Variants in RBFOX1 observed in about 807,000 individuals in gnomAD.
The protein encoded by RBFOX1 is RNA binding protein fox-1 homolog 1.
RBFOX1 carries 8 observed loss-of-function variants against 57.7 expected under a neutral mutation model. That is an observed-to-expected ratio of 0.14 (90% CI 0.08 to 0.25). The LOEUF is 0.25. Ranked by LOEUF, RBFOX1 falls within the 10% of genes least tolerant of loss-of-function variation. RBFOX1 has a pLI of 1.00. For synonymous variants in RBFOX1, 326 were observed against 222.4 expected, an observed-to-expected ratio of 1.47 and a Z score of -4.15; for missense variants, 611 against 548.5, an observed-to-expected ratio of 1.11 and a Z score of -1.14.
chr16:7,358,831 C>G (rs1488693079), intron 4 of RBFOX1, among the ~76,000 whole-genome samples: 1 of 152,126 alleles, frequency 6.6e-6, no homozygotes, highest in Non-Finnish European at 1.5e-5. Context: ...TATGTGCTCA[C>G]GATGACTTAT....
intron 3 of RBFOX1, among the ~76,000 whole-genome samples, chr16:5,654,825 A>C (rs59078146): frequency 0.08 from 11,623 of 145,684 alleles, 1,471 homozygotes; most frequent in African/African-American, 0.27. Flanking sequence ...CTCTCTCCCC[A>C]CTCTCTCCTT....
intron 2 of RBFOX1, among the ~76,000 whole-genome samples, chr16:6,396,276 C>G (rs2092831557): frequency 6.6e-6 from 1 of 152,034 alleles, no homozygotes; most frequent in African/African-American, 2.4e-5. Context: ...GGTACTGTAA[C>G]TTGATAAAAT....
chr16:5,853,046 T>C (rs1218815252), intron 3 of RBFOX1, among the ~76,000 whole-genome samples: 1 of 152,124 alleles, frequency 6.6e-6, no homozygotes, highest in Non-Finnish European at 1.5e-5. Flanking sequence ...AATAGAATTA[T>C]ATGTTTACAG....
intron 3 of RBFOX1, 141 bp from the exon 4 acceptor site, chr16:7,051,916 C>A: frequency 1.5e-6 from 2 of 1,309,398 alleles, no homozygotes; most frequent in South Asian, 1.4e-5. Context: ...GCTATGTAGA[C>A]CTAAAGAAAA....
intron 4 of RBFOX1, among the ~76,000 whole-genome samples, chr16:7,250,295 T>G (rs2094458133): frequency 6.6e-6 from 1 of 152,200 alleles, no homozygotes; most frequent in Non-Finnish European, 1.5e-5. Context: ...CAAATGCTTT[T>G]TTTGCTGTTC....
chr16:5,248,804 C>T (rs2062369524), intron 1 of RBFOX1, among the ~76,000 whole-genome samples: 1 of 152,056 alleles, frequency 6.6e-6, no homozygotes, highest in Admixed American at 6.5e-5. Flanking sequence ...GCCTGGCCAA[C>T]ATGTTGAAAG....
At chr16:6,785,606 C>G (rs755860286) in intron 3 of RBFOX1, among the ~76,000 whole-genome samples, 27 of 152,252 alleles carry the variant, frequency 1.8e-4, no homozygotes, top group Non-Finnish European at 3.7e-4. Context: ...GCTATTTTTC[C>G]TTTGTTTTCA....
intron 4 of RBFOX1, among the ~76,000 whole-genome samples, chr16:7,187,160 C>T (rs1602275895): frequency 1.3e-5 from 2 of 151,780 alleles, no homozygotes; most frequent in Admixed American, 1.3e-4. Flanking sequence ...TGGAGTGATA[C>T]TCTGTCTCAA....
intron 2 of RBFOX1, among the ~76,000 whole-genome samples, chr16:6,623,051 G>A (rs1009484246): frequency 6.6e-6 from 1 of 152,182 alleles, no homozygotes; most frequent in Non-Finnish European, 1.5e-5. Flanking sequence ...ACCTTTGTCA[G>A]TCCGCCATCG....
At chr16:6,290,116 T>C (rs936908931) in intron 1 of RBFOX1, among the ~76,000 whole-genome samples, 1 of 151,590 alleles carries the variant, frequency 6.6e-6, no homozygotes, top group South Asian at 2.1e-4. Flanking sequence ...GTATGTAGCT[T>C]GGATCGTTGT....
chr16:5,617,869 A>AGCTT (rs1210386939), intron 3 of RBFOX1, among the ~76,000 whole-genome samples: 1 of 152,122 alleles, frequency 6.6e-6, no homozygotes, highest in Non-Finnish European at 1.5e-5. Flanking sequence ...GCATTTCCGA[A>AGCTT]GCTTATCTGT....
chr16:5,955,087 C>A (rs1265563723), intron 4 of RBFOX1, among the ~76,000 whole-genome samples: 1 of 122,182 alleles, frequency 8.2e-6, no homozygotes, highest in African/African-American at 3.2e-5. Context: ...TCAAGACCAG[C>A]CTGGGCAACA....
chr16:7,492,585 C>G (rs146723276), intron 4 of RBFOX1, among the ~76,000 whole-genome samples: 2 of 152,246 alleles, frequency 1.3e-5, no homozygotes, highest in East Asian at 3.9e-4. Flanking sequence ...TAGATATTGT[C>G]CCATCTAAAT....
At chr16:5,978,153 A>C (rs1038239663) in intron 4 of RBFOX1, among the ~76,000 whole-genome samples, 4 of 143,774 alleles carry the variant, frequency 2.8e-5, no homozygotes, top group Non-Finnish European at 6.1e-5. Flanking sequence ...AAAAAAAAAA[A>C]AAAAAAAAGC....
At chr16:6,791,613 G>A (rs1567261852) in intron 3 of RBFOX1, among the ~76,000 whole-genome samples, 1 of 152,154 alleles carries the variant, frequency 6.6e-6, no homozygotes, top group Non-Finnish European at 1.5e-5. Flanking sequence ...ACAAAAATCA[G>A]CCAGGTGTAG....
At chr16:5,928,924 G>C (rs372860501) in intron 4 of RBFOX1, among the ~76,000 whole-genome samples, 2 of 151,616 alleles carry the variant, frequency 1.3e-5, no homozygotes, top group African/African-American at 2.4e-5. Context: ...TGAAAACAGA[G>C]CTCGCAATGT....
At chr16:6,203,541 G>A (rs1441327573) in intron 1 of RBFOX1, among the ~76,000 whole-genome samples, 1 of 152,150 alleles carries the variant, frequency 6.6e-6, no homozygotes, top group East Asian at 1.9e-4. Context: ...GCGGTGCAAT[G>A]AACATGGAAA....
chr16:6,853,687 C>G (rs1372589565), intron 3 of RBFOX1, among the ~76,000 whole-genome samples: 1 of 152,116 alleles, frequency 6.6e-6, no homozygotes, highest in African/African-American at 2.4e-5. Context: ...GAACCTGTAG[C>G]AATTTATCAC....
At chr16:7,687,846 A>T (rs530695927) in intron 14 of RBFOX1, among the ~76,000 whole-genome samples, 22 of 152,124 alleles carry the variant, frequency 1.4e-4, no homozygotes, top group African/African-American at 5.1e-4. Flanking sequence ...ATGTTCAGAG[A>T]GGTATTCATA....
Sources: gnomAD v4.1 joint callset for allele counts (sites outside exome capture counted in the v4.1 genomes callset) on GRCh38, gnomAD v4.1.1 for gene constraint, MANE v1.5 for transcripts, NCBI Gene and HGNC (gene_info 2026-07-23, HGNC 2026-07-21) for gene names.